ILDR1: variants seen among roughly 807,000 people sequenced by gnomAD.
The protein encoded by ILDR1 is immunoglobulin like domain containing receptor 1.
A neutral mutation model predicts 62.4 loss-of-function variants in ILDR1; 56 were observed. The observed-to-expected ratio is 0.90, with a 90% CI of 0.72 to 1.12. The LOEUF (loss-of-function observed/expected upper bound fraction) is 1.12. ILDR1 is among the 50% of genes most tolerant of loss of function. The pLI is 0.00. For synonymous variants in ILDR1, 284 were observed against 277.8 expected (o/e 1.02, Z -0.22); for missense variants, 736 against 710.6 (o/e 1.04, Z -0.41).
Position 122,005,316 on chromosome 3 carries a change from C to T in ILDR1, c.307G>A (p.Ala103Thr), listed in dbSNP as rs200130100. 398 of 1,613,852 alleles carry T rather than the reference C, an allele frequency of 2.5e-4. 1 individual carries two copies. The highest frequency in any genetic ancestry group is 3.3e-4 in the Middle Eastern group (2 of 6,062). Residue 103 changes from alanine to threonine, a missense_variant, in exon 3 of 8, where the codon GCC (alanine) becomes ACC (threonine). Coordinates refer to ENST00000344209, the MANE Select transcript of ILDR1 (RefSeq NM_001199799.2). ...GGCTCATTCTGCCCCCGCCGCTGGG[C>T]CACTATGCGAACTTCCCGCTGGTTG... ...NDNQREVRIV[A>T]QRRGQNEPVL...
At chr3:122,011,846 C>G (rs1219561463) in intron 1 of ILDR1, among the ~76,000 whole-genome samples, 1 of 152,118 alleles carries the variant, frequency 6.6e-6, no homozygotes, top group Non-Finnish European at 1.5e-5. Context: ...AGCTAGGCAA[C>G]AGCCCTGCTC....
At chr3:122,006,706 A>T (rs2071616396) in intron 2 of ILDR1, among the ~76,000 whole-genome samples, 1 of 152,210 alleles carries the variant, frequency 6.6e-6, no homozygotes, top group South Asian at 2.1e-4. Flanking sequence ...CCAGGAATGG[A>T]CAGGGAGGCA....
At chr3:122,010,119 TA>T (rs35996139) in intron 1 of ILDR1, among the ~76,000 whole-genome samples, 47,325 of 151,902 alleles carry the variant, frequency 0.31, 8,365 homozygotes, top group Middle Eastern at 0.47. Context: ...ATTGTTTCAG[TA>T]AGCAAGAAAG....
chr3:122,045,505 G>T, the ILDR1 span, among the ~76,000 whole-genome samples: 1 of 151,928 alleles, frequency 6.6e-6, no homozygotes, highest in Non-Finnish European at 1.5e-5. Flanking sequence ...TCTGTCTAAT[G>T]TTGACAGTGG....
chr3:122,024,694 T>A (rs1054419937), upstream of ILDR1, among the ~76,000 whole-genome samples: 5 of 152,346 alleles, frequency 3.3e-5, no homozygotes, highest in South Asian at 2.1e-4. Context: ...GGGCTATTAT[T>A]ATCAATCCCA....
chr3:122,001,656 G>A (rs1317443439), intron 4 of ILDR1, 89 bp downstream of exon 4: 5 of 1,551,718 alleles, frequency 3.2e-6, no homozygotes, highest in Middle Eastern at 4.1e-4. Context: ...ACTTAGGCTT[G>A]CTTATTTCTG....
At chr3:122,047,076 G>A in the ILDR1 span, among the ~76,000 whole-genome samples, 20 of 145,450 alleles carry the variant, frequency 1.4e-4, no homozygotes, top group Non-Finnish European at 1.5e-4. Context: ...TTTGATGATG[G>A]TGATGTACAG....
the ILDR1 span, among the ~76,000 whole-genome samples, chr3:122,043,523 C>T: frequency 9.8e-5 from 13 of 132,902 alleles, no homozygotes; most frequent in South Asian, 2.8e-4. Context: ...GCCATTTTCA[C>T]GATATTGATT....
intron 5 of ILDR1, among the ~76,000 whole-genome samples, chr3:122,000,037 G>A (rs1040871679): frequency 6.9e-6 from 1 of 144,812 alleles, no homozygotes; most frequent in African/African-American, 2.6e-5. Flanking sequence ...AAACCTCCTG[G>A]GAACCTCTTT....
At chr3:122,041,548 A>G in the ILDR1 span, among the ~76,000 whole-genome samples, 651 of 152,324 alleles carry the variant, frequency 4.3e-3, 4 homozygotes, top group African/African-American at 0.015. Context: ...TAAGATGGCT[A>G]TCTTTCCATT....
intron 3 of ILDR1, among the ~76,000 whole-genome samples, chr3:122,003,051 G>A (rs1559876088): frequency 1.3e-5 from 2 of 152,190 alleles, no homozygotes; most frequent in African/African-American, 4.8e-5. Context: ...CCGAGGAGAT[G>A]TAAAGAGAAA....
chr3:122,061,616 C>T, the ILDR1 span, among the ~76,000 whole-genome samples: 1 of 152,128 alleles, frequency 6.6e-6, no homozygotes, highest in South Asian at 2.1e-4. Flanking sequence ...GAGTCAACAT[C>T]ATTTGCCTTT....
At chr3:122,024,164 C>T (rs1269050425), upstream of ILDR1, among the ~76,000 whole-genome samples, 1 of 152,108 alleles carries the variant, frequency 6.6e-6, no homozygotes, top group Non-Finnish European at 1.5e-5. Context: ...ATTATTAAGT[C>T]AATTCAAGAA....
At chr3:121,991,604 C>T (rs1048222103) in intron 7 of ILDR1, among the ~76,000 whole-genome samples, 1 of 152,202 alleles carries the variant, frequency 6.6e-6, no homozygotes. Flanking sequence ...AACTCAGTAC[C>T]GCTTAGCAAG....
intron 2 of ILDR1, among the ~76,000 whole-genome samples, chr3:122,006,536 C>T (rs187031520): frequency 3.3e-5 from 5 of 152,078 alleles, no homozygotes; most frequent in South Asian, 2.1e-4. Flanking sequence ...ACCATCTTCC[C>T]GAAGGCATAC....
rs753090807 is a variant in ILDR1 at position 121,993,320 on chromosome 3, T to C, written c.1429A>G (p.Ser477Gly). The C allele has an allele frequency of 1.9e-6, 3 of 1,611,892 alleles. No individual in the cohort carries two copies. Among genetic ancestry groups the C allele is most frequent in the African/African-American group, 2.7e-5 (2 of 74,888 alleles). ...SYSPPLPSGL[S>G]SWSSEEDKER... ...TTGTCCTCTTCAGAGCTCCAGGAAC[T>C]GAGGCCGGAGGGCAAGGGAGGAGAG... The change falls in exon 7 of 8, where the codon AGT becomes GGT. Residue 477 changes from serine (S) to glycine (G), a missense_variant. By Grantham distance (56) the Ser-to-Gly change is moderately conservative. Transcript: ENST00000344209.
At chr3:122,014,064 C>A (rs1439963004) in intron 1 of ILDR1, among the ~76,000 whole-genome samples, 1 of 152,220 alleles carries the variant, frequency 6.6e-6, no homozygotes, top group Admixed American at 6.5e-5. Context: ...ACCTCCACTA[C>A]ACTACCATGT....
chr3:121,998,515 G>GT (rs1254905285), intron 5 of ILDR1, among the ~76,000 whole-genome samples: 1 of 152,112 alleles, frequency 6.6e-6, no homozygotes, highest in African/African-American at 2.4e-5. Context: ...GATTTTACTA[G>GT]TTTTTTAAAA....
chr3:121,993,599 C>T lies in ILDR1; in HGVS notation c.1150G>A (p.Gly384Arg), dbSNP rs1576715107. Residue 384 changes from glycine (G) to arginine (R), a missense_variant, in exon 7 of 8, where the codon GGG (glycine) becomes AGG (arginine). By Grantham distance (125) the Gly-to-Arg change is moderately radical. Transcript: ENST00000344209. Reference protein sequence around the residue: ...PDFHQELQDRGPKSWALERRE... With the variant: ...PDFHQELQDRRPKSWALERRE... Reference sequence around the variant, plus strand: ...CTTTCCAATGCCCAAGACTTTGGCCCCCGGTCCTGGAGCTCCTGGTGGAAA... The same window carrying T: ...CTTTCCAATGCCCAAGACTTTGGCCTCCGGTCCTGGAGCTCCTGGTGGAAA... 4 of 1,614,210 alleles carry T rather than the reference C, an allele frequency of 2.5e-6. No homozygotes were observed. Among genetic ancestry groups the T allele is most frequent in the South Asian group, 2.2e-5 (2 of 91,086 alleles).
Sources: gnomAD v4.1 joint callset for allele counts (sites outside exome capture counted in the v4.1 genomes callset) on GRCh38, gnomAD v4.1.1 for gene constraint, MANE v1.5 for transcripts, NCBI Gene and HGNC (gene_info 2026-07-23, HGNC 2026-07-21) for gene names.